Variants in SCFD1 observed in about 807,000 individuals in gnomAD.
The protein encoded by SCFD1 is sec1 family domain containing 1, also known as sec1 family domain-containing protein 1.
Under a neutral mutation model 103.2 loss-of-function variants are expected in SCFD1, and 37 were observed. The observed-to-expected ratio is 0.36, with a 90% CI of 0.28 to 0.47. The LOEUF (loss-of-function observed/expected upper bound fraction) is 0.47, where lower values mean the gene tolerates loss of function less well. SCFD1 is among the 20% of genes least tolerant of loss of function. The pLI is 1.00. For missense variants in SCFD1, 639 were observed against 761.2 expected, an observed-to-expected ratio of 0.84 and a Z score of 1.89; for synonymous variants, 264 against 245.0, an observed-to-expected ratio of 1.08 and a Z score of -0.73.
intron 10 of SCFD1, among the ~76,000 whole-genome samples, chr14:30,666,933 A>AT (rs1465000863): frequency 2.6e-5 from 4 of 152,082 alleles, no homozygotes; most frequent in Non-Finnish European, 4.4e-5. Flanking sequence ...CCAAAAAAAA[A>AT]GTCCAGGACC....
chr14:30,673,727 G>A (rs1002202062), intron 12 of SCFD1, among the ~76,000 whole-genome samples, 197 bp from the exon 13 acceptor site: 5 of 152,070 alleles, frequency 3.3e-5, no homozygotes, highest in Admixed American at 6.5e-5. Flanking sequence ...TTAGACTGGC[G>A]ATTACTAGAA....
intron 10 of SCFD1, among the ~76,000 whole-genome samples, chr14:30,666,105 C>A (rs1186213394): frequency 6.6e-6 from 1 of 152,194 alleles, no homozygotes; most frequent in African/African-American, 2.4e-5. Context: ...AATATACATT[C>A]TTCTCAACAC....
chr14:30,639,128 C>CA (rs1885020653), intron 5 of SCFD1, among the ~76,000 whole-genome samples: 2 of 152,138 alleles, frequency 1.3e-5, no homozygotes, highest in South Asian at 4.1e-4. Flanking sequence ...GTGGTGCAAT[C>CA]ACTGCTTGCT....
At chr14:30,701,810 GA>G (rs757352655) in intron 16 of SCFD1, among the ~76,000 whole-genome samples, 2,797 of 145,248 alleles carry the variant, frequency 0.019, 35 homozygotes, top group Non-Finnish European at 0.029. Context: ...AAGGAAGAGT[GA>G]AAAAAAAAAA....
intron 14 of SCFD1, among the ~76,000 whole-genome samples, chr14:30,678,310 C>T (rs2139240600): frequency 6.6e-6 from 1 of 152,212 alleles, no homozygotes; most frequent in Non-Finnish European, 1.5e-5. Context: ...GAAATCCTGG[C>T]AGTTACCCCG....
intron 2 of SCFD1, among the ~76,000 whole-genome samples, chr14:30,629,257 TG>T (rs1307317599): frequency 6.6e-6 from 1 of 152,170 alleles, no homozygotes; most frequent in Non-Finnish European, 1.5e-5. Flanking sequence ...AGATGCAACG[TG>T]AACCTTTTAT....
Position 30,724,245 on chromosome 14 carries a change from G to GTT in SCFD1, c.1836+1712_1836+1713dup, listed in dbSNP as rs58612669. On this transcript the variant is annotated intron_variant, in intron 23 of 24. Transcript: ENST00000458591. ...ATGTCCTTTGCCCACTTTTTTATGG[G>GTT]TTTTTTTTTTTTTTTTTTTTTTTTT... 4.4e-3 allele frequency among the ~76,000 whole-genome samples: 309 copies of GTT among 69,684 alleles called. 29 individuals are homozygous for GTT. The highest frequency in any genetic ancestry group is 7.6e-3 in the African/African-American group (111 of 14,590). 45.7% of individuals were successfully genotyped at this position (69,684 alleles called of 152,430 possible).
rs549348306 is a variant in SCFD1 at position 30,662,841 on chromosome 14, A to G, written c.856-7415A>G. On this transcript the variant is annotated intron_variant, in intron 10 of 24. Transcript: ENST00000458591. ...GAAAACAAGACTGCTGAAGGCTTCT[A>G]CATGTTTTTAGCATTTCCTGATGGG... 5.3e-5 allele frequency among the ~76,000 whole-genome samples: 8 copies of G among 152,312 alleles called. No individual in the cohort carries two copies. The East Asian group carries it at 1.5e-3, about 29-fold the overall frequency.
At chr14:30,725,043 G>A (rs1892943883) in intron 23 of SCFD1, among the ~76,000 whole-genome samples, 1 of 152,060 alleles carries the variant, frequency 6.6e-6, no homozygotes, top group East Asian at 1.9e-4. Flanking sequence ...TGGTCTGTAG[G>A]TCTGTTTTTG....
chr14:30,682,930 A>G (rs1889604299), intron 14 of SCFD1: 1 of 437,758 alleles, frequency 2.3e-6, no homozygotes, highest in African/African-American at 2.1e-5. Context: ...AAAAGACAAA[A>G]ACAAAAATAA....
intron 20 of SCFD1, among the ~76,000 whole-genome samples, chr14:30,719,089 A>G (rs1199287649): frequency 1.3e-5 from 2 of 152,178 alleles, no homozygotes; most frequent in East Asian, 3.8e-4. Flanking sequence ...CCAGACTGTC[A>G]ATCTGAAAAA....
At chr14:30,715,836 C>G in intron 19 of SCFD1, 88 bp from the exon 20 acceptor site, 1 of 674,404 alleles carries the variant, frequency 1.5e-6, no homozygotes, top group Non-Finnish European at 2.6e-6. Flanking sequence ...GAAAGGTAAG[C>G]ATACTTAACT....
chr14:30,722,403 G>T, intron 22 of SCFD1, 91 bp from the exon 23 acceptor site: 1 of 864,016 alleles, frequency 1.2e-6, no homozygotes, highest in South Asian at 1.7e-5. Flanking sequence ...CTTAGAATAT[G>T]ACTTTTGGCT....
At chr14:30,690,779 C>G (rs530982395) in intron 14 of SCFD1, among the ~76,000 whole-genome samples, 168 of 152,226 alleles carry the variant, frequency 1.1e-3, no homozygotes, top group Admixed American at 8.5e-4. Flanking sequence ...TTCTGCGTCG[C>G]TCACGCTGGG....
intron 11 of SCFD1, among the ~76,000 whole-genome samples, chr14:30,672,310 G>A (rs1313050269): frequency 6.6e-6 from 1 of 152,162 alleles, no homozygotes; most frequent in Non-Finnish European, 1.5e-5. Context: ...AGACTCAACT[G>A]GAGCTGGAGT....
rs145853550 is a variant in SCFD1 at position 30,656,982 on chromosome 14, A to T, written c.855+3394A>T. On this transcript the variant is annotated intron_variant, in intron 10 of 24. Coordinates refer to ENST00000458591, the MANE Select transcript of SCFD1 (RefSeq NM_016106.4). ...TACAGGGATTAATGGGCATAATAAGATAGTATTGGTAGTCTCAAATCATAT... is the reference window on the plus strand; with the variant it reads ...TACAGGGATTAATGGGCATAATAAGTTAGTATTGGTAGTCTCAAATCATAT... Among the ~76,000 whole-genome samples the T allele has an allele frequency of 2.1e-3, 312 of 152,132 alleles. 1 individual carries two copies. Among genetic ancestry groups the T allele is most frequent in the Non-Finnish European group, 2.0e-3 (139 of 67,980 alleles).
At chr14:30,629,068 G>A (rs1419929641) in intron 2 of SCFD1, among the ~76,000 whole-genome samples, 1 of 152,050 alleles carries the variant, frequency 6.6e-6, no homozygotes, top group Non-Finnish European at 1.5e-5. Flanking sequence ...TCTTCCTATT[G>A]CCTCTTGCAT....
chr14:30,649,459 T>C, intron 7 of SCFD1, 69 bp from the exon 8 acceptor site: 1 of 907,928 alleles, frequency 1.1e-6, no homozygotes. Context: ...TTTTTGATGC[T>C]GATGTATTTT....
At chr14:30,722,637 C>A in intron 23 of SCFD1, 78 bp downstream of exon 23, 1 of 763,338 alleles carries the variant, frequency 1.3e-6, no homozygotes, top group Non-Finnish European at 2.1e-6. Context: ...GATGGCTATC[C>A]TGATCCTTCT....
Sources: gnomAD v4.1 joint callset for allele counts (sites outside exome capture counted in the v4.1 genomes callset) on GRCh38, gnomAD v4.1.1 for gene constraint, MANE v1.5 for transcripts, NCBI Gene and HGNC (gene_info 2026-07-23, HGNC 2026-07-21) for gene names.